SF3A1: variants seen among roughly 807,000 people sequenced by gnomAD.
SF3A1 encodes the protein SAP 114.
Under a neutral mutation model 89.9 loss-of-function variants are expected in SF3A1, and 13 were observed. The ratio of observed to expected loss-of-function variants is 0.14; its 90% CI spans 0.09 to 0.23. The LOEUF is 0.23. SF3A1 is among the 10% of genes least tolerant of loss of function. SF3A1 has a pLI of 1.00. For synonymous variants in SF3A1, 405 were observed against 374.4 expected (o/e 1.08, Z -0.94); for missense variants, 604 against 1,022.1 (o/e 0.59, Z 5.58).
chr22:30,343,412 C>T (rs572885112), intron 4 of SF3A1, among the ~76,000 whole-genome samples: 4 of 152,222 alleles, frequency 2.6e-5, no homozygotes, highest in South Asian at 2.1e-4. Context: ...CTTTTGTTCA[C>T]GATTACATCT....
At chr22:30,344,846 G>A (rs1020318554) in intron 4 of SF3A1, 87 bp downstream of exon 4, 4 of 1,480,106 alleles carry the variant, frequency 2.7e-6, no homozygotes, top group African/African-American at 2.8e-5. Flanking sequence ...CGATGTCCTT[G>A]TAGACAGTGA....
At chr22:30,349,850 G>A (rs1931534675) in intron 2 of SF3A1, among the ~76,000 whole-genome samples, 2 of 151,628 alleles carry the variant, frequency 1.3e-5, no homozygotes, top group African/African-American at 4.8e-5. Flanking sequence ...TCACTATATT[G>A]CCTACACTGG....
intron 8 of SF3A1, 75 bp downstream of exon 8, chr22:30,340,620 A>C (rs913320614): frequency 3.1e-6 from 3 of 961,622 alleles, no homozygotes; most frequent in African/African-American, 3.3e-5. Flanking sequence ...TCCTAGAAAG[A>C]CGGGTGTGAG....
chr22:30,343,643 G>A (rs1386209225), intron 4 of SF3A1, among the ~76,000 whole-genome samples: 2 of 152,170 alleles, frequency 1.3e-5, no homozygotes, highest in Admixed American at 1.3e-4. Flanking sequence ...CAATACCCAA[G>A]TTCTGAAGAA....
intron 12 of SF3A1, 75 bp downstream of exon 12, chr22:30,337,615 C>T (rs1483303637): frequency 5.0e-5 from 39 of 781,362 alleles, no homozygotes; most frequent in South Asian, 1.2e-4. Context: ...CTAGCATCAG[C>T]CACTGCTCTG....
At chr22:30,342,169 C>T (rs1185517430) in intron 6 of SF3A1, 31 bp downstream of exon 6, 1 of 1,613,500 alleles carries the variant, frequency 6.2e-7, no homozygotes, top group South Asian at 1.1e-5. Context: ...GTTCCTGGCT[C>T]CCCATCTGGA....
At chr22:30,352,257 C>T (rs1029308107) in intron 2 of SF3A1, among the ~76,000 whole-genome samples, 3 of 151,846 alleles carry the variant, frequency 2.0e-5, no homozygotes, top group Admixed American at 1.3e-4. Context: ...TCTGAGGAGA[C>T]GGCTAGCACC....
At chr22:30,339,508 C>T (rs1014322337) in intron 9 of SF3A1, among the ~76,000 whole-genome samples, 1 of 152,186 alleles carries the variant, frequency 6.6e-6, no homozygotes, top group Admixed American at 6.5e-5. Context: ...AATCCCAGCA[C>T]TTTGGGGGGC....
Position 30,337,687 on chromosome 22 carries a change from G to T in SF3A1, c.1951+3C>A. The stretch of plus-strand genomic sequence containing the variant: ...CCTGGAAAATGATGCAAGAGATACT[G>T]ACCTGTTGGCACAATCATGGGGGGT... On this transcript the variant is annotated splice_donor_region_variant and intron_variant, in intron 12 of 15. Coordinates refer to ENST00000215793, the MANE Select transcript of SF3A1 (RefSeq NM_005877.6). 1.1e-6 allele frequency: 1 copy of T among 909,494 alleles called. No homozygotes were observed. The highest frequency in any genetic ancestry group is 1.6e-6 in the Non-Finnish European group (1 of 629,556). The allele number at this position is 909,494 out of a possible 1,614,324, so 56.3% of individuals were successfully genotyped here. A position where few individuals can be genotyped will look rare whatever the true frequency, so the allele number is the denominator to read the frequency against.
chr22:30,340,105 T>C, intron 9 of SF3A1, 91 bp downstream of exon 9: 1 of 1,186,418 alleles, frequency 8.4e-7, no homozygotes, highest in Non-Finnish European at 1.1e-6. Context: ...AAAGCTTTTG[T>C]TGACCTCAAT....
intron 2 of SF3A1, among the ~76,000 whole-genome samples, chr22:30,349,722 G>A (rs113090489): frequency 2.7e-5 from 4 of 147,442 alleles, no homozygotes; most frequent in African/African-American, 7.6e-5. Context: ...GCTGGAGTAC[G>A]CTGGCATGAT....
In SF3A1 at chr22:30,344,926, C is replaced by G. The variant is rs370176008; in HGVS notation, c.651+7G>C. ...CCCAGGACCCCAGCCCCATCCTGCC[C>G]AGGCACCTTGGTGTACTGTTCCACT... On this transcript the variant is annotated splice_region_variant and intron_variant, in intron 4 of 15. Coordinates refer to ENST00000215793, the MANE Select transcript of SF3A1 (RefSeq NM_005877.6). 1.2e-6 allele frequency: 2 copies of G among 1,612,174 alleles called. No individual in the cohort carries two copies. Among genetic ancestry groups the G allele is most frequent in the Non-Finnish European group, 1.7e-6 (2 of 1,178,222 alleles).
chr22:30,336,990 A>G (rs1205217586), intron 13 of SF3A1, 36 bp downstream of exon 13: 8 of 1,613,620 alleles, frequency 5.0e-6, no homozygotes, highest in Non-Finnish European at 6.8e-6. Flanking sequence ...TGAACCCTCC[A>G]GCTAGAAACT....
intron 1 of SF3A1, 62 bp downstream of exon 1, chr22:30,356,668 T>C (rs1194442789): frequency 2.2e-5 from 28 of 1,279,618 alleles, no homozygotes; most frequent in Admixed American, 1.8e-4. Context: ...CTTATTCCTG[T>C]GCGAGTAAGG....
At chr22:30,346,590 T>A in intron 2 of SF3A1, 71 bp from the exon 3 acceptor site, 1 of 1,549,946 alleles carries the variant, frequency 6.5e-7, no homozygotes, top group Non-Finnish European at 8.8e-7. Flanking sequence ...ACACTGCCCA[T>A]TGGAACGTCC....
At chr22:30,341,526 AAAGAGG>A (rs1350669056) in intron 7 of SF3A1, among the ~76,000 whole-genome samples, 160 bp downstream of exon 7, 1 of 99,052 alleles carries the variant, frequency 1.0e-5, no homozygotes, top group Non-Finnish European at 2.5e-5. Flanking sequence ...CCGGAGCTGG[AAAGAGG>A]CTCTGTGCTG....
At chr22:30,339,612 C>T (rs761064436) in intron 9 of SF3A1, among the ~76,000 whole-genome samples, 3 of 152,014 alleles carry the variant, frequency 2.0e-5, no homozygotes, top group Non-Finnish European at 4.4e-5. Context: ...AAAAATTAGC[C>T]GGGTGTGGTG....
intron 6 of SF3A1, 150 bp downstream of exon 6, chr22:30,342,050 G>T: frequency 8.6e-7 from 1 of 1,168,594 alleles, no homozygotes; most frequent in Non-Finnish European, 1.2e-6. Context: ...GGGCAAAGTG[G>T]TAGAACTGAA....
At chr22:30,340,496 A>C (rs1274997167) in intron 8 of SF3A1, 115 bp from the exon 9 acceptor site, 3 of 1,111,160 alleles carry the variant, frequency 2.7e-6, no homozygotes, top group Non-Finnish European at 4.0e-6. Flanking sequence ...CCACTCTTGT[A>C]CCTGGCACTG....
Sources: allele counts gnomAD v4.1 joint callset (sites outside exome capture counted in the v4.1 genomes callset), GRCh38; gene constraint gnomAD v4.1.1; transcripts MANE v1.5; gene names NCBI Gene and HGNC (gene_info 2026-07-23, HGNC 2026-07-21).